The following CEP152 variants were observed in gnomAD, a reference collection of about 807,000 sequenced individuals.
The protein encoded by CEP152 is centrosomal protein of 152 kDa.
CEP152 carries 132 observed loss-of-function variants against 188.9 expected under a neutral mutation model. The observed-to-expected ratio is 0.70, with a 90% CI of 0.61 to 0.81. The LOEUF is 0.81. Ranked by LOEUF, CEP152 falls within the 30% of genes least tolerant of loss-of-function variation. CEP152 has a pLI of 0.00. For missense variants in CEP152, 1,914 were observed against 1,969.8 expected (o/e 0.97, Z 0.54); for synonymous variants, 649 against 666.6 (o/e 0.97, Z 0.41).
chr15:48,748,657 G>C, intron 21 of CEP152, 47 bp from the exon 22 acceptor site: 74 of 1,069,982 alleles, frequency 6.9e-5, no homozygotes, highest in Admixed American at 6.0e-5. Flanking sequence ...TTTAGACCAA[G>C]AACTATCATT....
chr15:48,739,157 G>C lies in CEP152; in HGVS notation c.4225C>G (p.Gln1409Glu). The C allele has an allele frequency of 6.2e-7, 1 of 1,614,192 alleles. No homozygotes were observed. Among genetic ancestry groups the C allele is most frequent in the Non-Finnish European group, 8.5e-7 (1 of 1,180,026 alleles). ...CAAGCTGCCCTCCTCTTGGGAGCTT[G>C]TTCGCACAGAGTTCTGGTGATGGTG... Reference protein sequence around the residue: ...VNTITRTLCEQAPKRRAACNL... With the variant: ...VNTITRTLCEEAPKRRAACNL... The change falls in exon 27 of 27, where the codon CAA becomes GAA. Residue 1409 changes from glutamine to glutamate, a missense_variant. Transcript: ENST00000380950.
chr15:48,803,177 A>G (rs892230982), intron 2 of CEP152, among the ~76,000 whole-genome samples: 7 of 152,248 alleles, frequency 4.6e-5, no homozygotes, highest in Admixed American at 3.3e-4. Flanking sequence ...GCCCACTGCT[A>G]ACAGTTATAA....
chr15:48,730,984 GA>G (rs1480682893), intron 2 of CEP152, among the ~76,000 whole-genome samples: 1 of 152,110 alleles, frequency 6.6e-6, no homozygotes, highest in African/African-American at 2.4e-5. Flanking sequence ...TTATATCAAA[GA>G]AAAAAGCTGT....
intron 6 of CEP152, 144 bp downstream of exon 6, chr15:48,795,866 A>G: frequency 1.4e-6 from 1 of 738,576 alleles, no homozygotes; most frequent in Non-Finnish European, 2.2e-6. Flanking sequence ...TATCTCTAAA[A>G]ATAAGGGCTC....
chr15:48,788,845 A>C lies in CEP152; in HGVS notation c.1129T>G (p.Leu377Val). The part of the protein sequence containing the change: ...TKKYEEQVLS[L>V]QKNLDATVTA... Reference sequence around the variant, plus strand: ...ACTGTGGCATCCAAATTCTTTTGTAAGGACAATACTTGCTCTTCGTACTTC... The same window carrying C: ...ACTGTGGCATCCAAATTCTTTTGTACGGACAATACTTGCTCTTCGTACTTC... The change falls in exon 9 of 27, where the codon TTA becomes GTA. Residue 377 changes from leucine (L) to valine (V), a missense_variant. Physicochemically the swap from Leu to Val is conservative, Grantham distance 32. Coordinates refer to ENST00000380950, the MANE Select transcript of CEP152 (RefSeq NM_001194998.2). 4.3e-6 allele frequency: 7 copies of C among 1,614,206 alleles called. No homozygotes were observed. The highest frequency in any genetic ancestry group is 5.1e-6 in the Non-Finnish European group (6 of 1,180,030).
downstream of CEP152, among the ~76,000 whole-genome samples, chr15:48,736,204 CATCCAAT>C (rs1314461768): frequency 1.3e-5 from 2 of 152,150 alleles, no homozygotes; most frequent in Admixed American, 1.3e-4. Flanking sequence ...TAGTAAACTC[CATCCAAT>C]ATATAAAGAA....
chr15:48,759,182 T>C (rs1323481142), intron 19 of CEP152, among the ~76,000 whole-genome samples: 1 of 152,212 alleles, frequency 6.6e-6, no homozygotes. Flanking sequence ...CCTATTACTT[T>C]ATCTTTGCTA....
chr15:48,809,310 T>C (rs1257438165), intron 1 of CEP152, among the ~76,000 whole-genome samples: 2 of 152,118 alleles, frequency 1.3e-5, no homozygotes, highest in Admixed American at 1.3e-4. Flanking sequence ...CCAGATCATA[T>C]CCTAGATGCA....
chr15:48,744,133 T>C lies in CEP152; in HGVS notation c.3835+107A>G. The C allele has an allele frequency of 2.0e-6, 3 of 1,519,338 alleles. No individual in the cohort carries two copies. In the South Asian group the frequency reaches 3.7e-5, roughly 19 times the overall value. The allele number at this position is 1,519,338 out of a possible 1,614,324, so 94.1% of individuals were successfully genotyped here. A position where few individuals can be genotyped will look rare whatever the true frequency, so the allele number is the denominator to read the frequency against. On this transcript the variant is annotated intron_variant, in intron 24 of 26. Transcript: ENST00000380950. ...TTTTAAGATTGAAGAAAAAGGTAAT[T>C]TGGAAAATTCCCTAGAAGAACTACT...
chr15:48,792,483 C>T (rs925701743), intron 7 of CEP152, among the ~76,000 whole-genome samples: 1 of 152,150 alleles, frequency 6.6e-6, no homozygotes, highest in Non-Finnish European at 1.5e-5. Flanking sequence ...TCAACGTGGA[C>T]CAAAACTAGA....
At chr15:48,760,728 G>A (rs762246515) in intron 18 of CEP152, among the ~76,000 whole-genome samples, 26 of 152,006 alleles carry the variant, frequency 1.7e-4, no homozygotes, top group Admixed American at 4.6e-4. Flanking sequence ...TCCTACTGTC[G>A]AGAATGAGTT....
At chr15:48,779,617 A>G (rs1173359504) in intron 12 of CEP152, among the ~76,000 whole-genome samples, 1 of 152,208 alleles carries the variant, frequency 6.6e-6, no homozygotes, top group Non-Finnish European at 1.5e-5. Context: ...TTTAAGCTTG[A>G]TAAGAAAACA....
chr15:48,737,157 G>A (rs1254705105), downstream of CEP152, among the ~76,000 whole-genome samples: 1 of 152,186 alleles, frequency 6.6e-6, no homozygotes, highest in Non-Finnish European at 1.5e-5. Flanking sequence ...TGCTTTTAGA[G>A]ATGGTTATCA....
At chr15:48,793,261 T>C in intron 7 of CEP152, 60 bp downstream of exon 7, 2 of 1,591,922 alleles carry the variant, frequency 1.3e-6, no homozygotes, top group Non-Finnish European at 8.6e-7. Context: ...AATCTGAGGT[T>C]ATTGGAAACA....
intron 9 of CEP152, among the ~76,000 whole-genome samples, chr15:48,788,293 G>A (rs1476464008): frequency 6.6e-6 from 1 of 150,440 alleles, no homozygotes; most frequent in East Asian, 2.0e-4. Context: ...TATACCTTTA[G>A]GATGTATTCT....
At chr15:48,796,258 T>C in intron 5 of CEP152, 98 bp from the exon 6 acceptor site, 1 of 1,378,558 alleles carries the variant, frequency 7.3e-7, no homozygotes, top group Non-Finnish European at 1.0e-6. Flanking sequence ...CAGAACTTAC[T>C]TTTGGTACAG....
rs554629274 is a variant in CEP152, at chr15:48,779,884, CCTTT to C, written c.1577+1308_1577+1311del. The stretch of plus-strand genomic sequence containing the variant: ...TTTAATTTACTAACCAAACTGGAAG[CCTTT>C]CTTTGACAACTTGGGATCATAACTG... On this transcript the variant is annotated intron_variant, in intron 12 of 26. Coordinates refer to ENST00000380950, the MANE Select transcript of CEP152 (RefSeq NM_001194998.2). 8.6e-4 allele frequency among the ~76,000 whole-genome samples: 131 copies of C among 152,194 alleles called. 1 individual carries two copies. Among genetic ancestry groups the C allele is most frequent in the Non-Finnish European group, 1.5e-3 (103 of 68,034 alleles).
chr15:48,759,375 A>G (rs1434513179), intron 19 of CEP152, among the ~76,000 whole-genome samples: 2 of 152,206 alleles, frequency 1.3e-5, no homozygotes, highest in African/African-American at 4.8e-5. Flanking sequence ...TCATAAGACT[A>G]TTATGAAATA....
intron 26 of CEP152, among the ~76,000 whole-genome samples, chr15:48,739,832 T>C (rs1892829977): frequency 6.6e-6 from 1 of 152,214 alleles, no homozygotes; most frequent in Admixed American, 6.5e-5. Context: ...CTAGAGTCCA[T>C]GAAAAGGATT....
Sources: allele counts gnomAD v4.1 joint callset (sites outside exome capture counted in the v4.1 genomes callset), GRCh38; gene constraint gnomAD v4.1.1; transcripts MANE v1.5; gene names NCBI Gene and HGNC (gene_info 2026-07-23, HGNC 2026-07-21).